The following EVI5L variants were observed in gnomAD, a reference collection of about 807,000 sequenced individuals.
EVI5L encodes EVI5-like protein.
Under a neutral mutation model 106.1 loss-of-function variants are expected in EVI5L, and 30 were observed. That is an observed-to-expected ratio of 0.28 (90% CI 0.21 to 0.38). The LOEUF (loss-of-function observed/expected upper bound fraction) is 0.38, where lower values mean the gene tolerates loss of function less well. Ranked by LOEUF, EVI5L falls within the 10% of genes least tolerant of loss-of-function variation. The probability of loss-of-function intolerance (pLI) is 1.00; values close to 1 mark genes in which losing one functional copy is unlikely to be tolerated. For synonymous variants in EVI5L, 489 were observed against 483.3 expected, an observed-to-expected ratio of 1.01 and a Z score of -0.15; for missense variants, 809 against 1,098.0, an observed-to-expected ratio of 0.74 and a Z score of 3.72.
intron 1 of EVI5L, 113 bp from the exon 2 acceptor site, chr19:7,846,383 A>G (rs1978948153): frequency 2.1e-6 from 2 of 965,456 alleles, no homozygotes; most frequent in African/African-American, 3.3e-5. Flanking sequence ...GGGTGCACGG[A>G]CGGGGGTGGA....
In EVI5L at chr19:7,850,577, G is replaced by C. The variant is rs1028059929; in HGVS notation, c.753+455G>C. On this transcript the variant is annotated intron_variant, in intron 6 of 19. Coordinates refer to ENST00000538904, the MANE Select transcript of EVI5L (RefSeq NM_001159944.3). The surrounding 1 kb of genome is among the most constrained non-coding windows in gnomAD (Gnocchi z 5.4). The stretch of plus-strand genomic sequence containing the variant: ...AGGCAGAGCCGCCAAGGCCGTTTGC[G>C]AACATACACACACCCGCATGCATAC... Among the ~76,000 whole-genome samples the C allele has an allele frequency of 6.6e-6, 1 of 152,140 alleles. No homozygotes were observed. The highest frequency in any genetic ancestry group is 2.4e-5 in the African/African-American group (1 of 41,426).
intron 1 of EVI5L, among the ~76,000 whole-genome samples, chr19:7,838,788 GA>G (rs1406468912): frequency 6.6e-6 from 1 of 151,988 alleles, no homozygotes; most frequent in Non-Finnish European, 1.5e-5. Flanking sequence ...GAGAGAGGGG[GA>G]AAAGCGAGCC....
chr19:7,853,127 G>C lies in EVI5L; in HGVS notation c.1029G>C (p.Pro343=), dbSNP rs375217848. The C allele has an allele frequency of 2.5e-6, 4 of 1,613,916 alleles. No individual in the cohort carries two copies. Among genetic ancestry groups the C allele is most frequent in the Non-Finnish European group, 3.4e-6 (4 of 1,180,038 alleles). ...RVIPHQFDSC[P]DKLVLKAYQV... ...TCCCCCACCAGTTCGACAGCTGCCC[G>C]GACAAGCTGGTCCTCAAAGCCTACC... Residue 343 remains proline, a synonymous_variant, in exon 9 of 20, where the codon CCG becomes CCC. Transcript: ENST00000538904.
In EVI5L at chr19:7,855,272, C is replaced by T. The variant is rs904766527; in HGVS notation, c.1147-743C>T. Among the ~76,000 whole-genome samples the T allele has an allele frequency of 5.9e-5, 9 of 152,152 alleles. No individual in the cohort carries two copies. In the East Asian group the frequency reaches 1.5e-3, roughly 26 times the overall value. On this transcript the variant is annotated intron_variant, in intron 10 of 19. Coordinates refer to ENST00000538904, the MANE Select transcript of EVI5L (RefSeq NM_001159944.3). ...CTGGGATTACAGGCATGCACCACCA[C>T]GCCTGGCTAATCTTTGTGTTTTTAG...
Position 7,847,828 on chromosome 19 carries a change from C to G in EVI5L, c.234C>G (p.Asn78Lys). Residue 78 changes from asparagine to lysine, a missense_variant, in exon 3 of 20, where the codon AAC becomes AAG. This residue lies in a region of EVI5L where 357 missense variants were observed against 588.1 expected (regional missense o/e 0.61). Coordinates refer to ENST00000538904, the MANE Select transcript of EVI5L (RefSeq NM_001159944.3). ...SLVSSSSASSNLSHLEEDTWI... is the reference protein window; with the variant it reads ...SLVSSSSASSKLSHLEEDTWI... ...TGTCCAGCTCCTCGGCCTCCTCCAA[C>G]CTGAGCCACCTGGAGGAGGACACGT... 6.2e-7 allele frequency: 1 copy of G among 1,611,128 alleles called. No homozygotes were observed. The highest frequency in any genetic ancestry group is 8.5e-7 in the Non-Finnish European group (1 of 1,178,842).
intron 13 of EVI5L, among the ~76,000 whole-genome samples, chr19:7,859,732 TG>T (rs1166306288): frequency 6.6e-6 from 1 of 152,066 alleles, no homozygotes; most frequent in Non-Finnish European, 1.5e-5. Context: ...GCTCCAACCT[TG>T]GGGGGATGCA....
rs772487515 is a variant in EVI5L at position 7,860,606 on chromosome 19, G to C, written c.1420G>C (p.Glu474Gln). 2 of 1,601,788 alleles carry C rather than the reference G, an allele frequency of 1.2e-6. No individual in the cohort carries two copies. Among genetic ancestry groups the C allele is most frequent in the South Asian group, 1.1e-5 (1 of 89,126 alleles). ...TEDFVSHLET[E>Q]LEQSRLRETE... is the part of the protein sequence containing the mutation. Reference sequence around the variant, plus strand: ...AGACTTCGTGTCCCACCTGGAGACCGAGCTGGAGCAGTCGAGGCTGCGGGA... The same window carrying C: ...AGACTTCGTGTCCCACCTGGAGACCCAGCTGGAGCAGTCGAGGCTGCGGGA... Residue 474 changes from glutamate (E) to glutamine (Q), a missense_variant, in exon 14 of 20, where the codon GAG (glutamate) becomes CAG (glutamine). Physicochemically the swap from Glu to Gln is conservative, Grantham distance 29 (BLOSUM62 2). Transcript: ENST00000538904.
At chr19:7,862,660 C>T (rs1380917058) in intron 17 of EVI5L, 126 bp downstream of exon 17, 42 of 782,038 alleles carry the variant, frequency 5.4e-5, no homozygotes, top group Admixed American at 1.4e-4. Flanking sequence ...CCGCGGTCCT[C>T]CCGCCCCCGC....
In EVI5L at chr19:7,856,877, A is replaced by C; in HGVS notation, c.1201-215A>C. On this transcript the variant is annotated intron_variant, in intron 11 of 19. Coordinates refer to ENST00000538904, the MANE Select transcript of EVI5L (RefSeq NM_001159944.3). This position sits in a 1 kb window ranked among gnomAD's most constrained non-coding sequence, Gnocchi z 6.6. ...GGGCACCCCCGACCTCCCCGCTCACACCGAACCCCTCTCCAGGACGGAGCT... is the reference window on the plus strand; with the variant it reads ...GGGCACCCCCGACCTCCCCGCTCACCCCGAACCCCTCTCCAGGACGGAGCT... The C allele has an allele frequency of 1.4e-6, 1 of 702,686 alleles. No homozygotes were observed. The allele number at this position is 702,686 out of a possible 1,614,324, so 43.5% of individuals were successfully genotyped here.
Position 7,862,973 on chromosome 19 carries a change from G to A in EVI5L, c.1949G>A (p.Ser650Asn), listed in dbSNP as rs749056859. ...TTCCCCCCAATCCCCCGACCCCAGA[G>A]CAAGGAGGAGGTGATGGCTGTGCGA... ...RRKQAEAECK[S>N]KEEVMAVRLR... Residue 650 changes from serine to asparagine, a missense_variant and splice_region_variant, in exon 18 of 20, where the codon AGC becomes AAC. Ser to Asn is a conservative substitution (Grantham distance 46). Coordinates refer to ENST00000538904, the MANE Select transcript of EVI5L (RefSeq NM_001159944.3). The A allele has an allele frequency of 1.9e-5, 30 of 1,559,442 alleles. No individual in the cohort carries two copies. The South Asian group carries it at 3.2e-4, about 16-fold the overall frequency.
rs780541980 is a variant in EVI5L at position 7,862,923 on chromosome 19, G to A, written c.1948-49G>A. The A allele has an allele frequency of 1.3e-4, 165 of 1,311,144 alleles. No individual in the cohort carries two copies. The African/African-American group carries it at 2.1e-3, about 17-fold the overall frequency. The allele number at this position is 1,311,144 out of a possible 1,614,324, so 81.2% of individuals were successfully genotyped here. A position where few individuals can be genotyped will look rare whatever the true frequency, so the allele number is the denominator to read the frequency against. On this transcript the variant is annotated intron_variant, in intron 17 of 19. Transcript: ENST00000538904. ...TGCCCGCGGTCCCGCCCCCTGATGC[G>A]CCGCGCCCCCTGACCCGCCCTCCTT...
chr19:7,842,849 ATC>A (rs1978704084), intron 1 of EVI5L, among the ~76,000 whole-genome samples: 1 of 148,344 alleles, frequency 6.7e-6, no homozygotes, highest in African/African-American at 2.5e-5. Context: ...AGGTGTGTGT[ATC>A]TGAGTGTGTC....
intron 1 of EVI5L, among the ~76,000 whole-genome samples, chr19:7,842,756 G>A (rs966627441): frequency 2.2e-5 from 2 of 91,494 alleles, no homozygotes; most frequent in African/African-American, 7.1e-5. Context: ...AAGGTACTGG[G>A]TGTGTGTGTA....
Position 7,857,542 on chromosome 19 carries a change from GCTC to G in EVI5L, c.1233+421_1233+423del, listed in dbSNP as rs1979591364. ...CCCGGCCCTCACGCTGCTGCTCTCTGCTCCTACCTGCAATGCCTGCTACCACCT... is the reference window on the plus strand; with the variant it reads ...CCCGGCCCTCACGCTGCTGCTCTCTGCTACCTGCAATGCCTGCTACCACCT... On this transcript the variant is annotated intron_variant, in intron 12 of 19. Coordinates refer to ENST00000538904, the MANE Select transcript of EVI5L (RefSeq NM_001159944.3). The surrounding 1 kb of genome is among the most constrained non-coding windows in gnomAD (Gnocchi z 4.5). 1 of 264,452 alleles carries G rather than the reference GCTC, an allele frequency of 3.8e-6. No individual in the cohort carries two copies. Among genetic ancestry groups the G allele is most frequent in the Non-Finnish European group, 7.3e-6 (1 of 137,078 alleles). 16.4% of individuals were successfully genotyped at this position (264,452 alleles called of 1,614,324 possible). A position where few individuals can be genotyped will look rare whatever the true frequency, so the allele number is the denominator to read the frequency against.
At position 7,850,242 on chromosome 19, in the gene EVI5L, C is replaced by T; in HGVS notation, c.753+120C>T. 5.0e-6 allele frequency: 7 copies of T among 1,393,608 alleles called. No individual in the cohort carries two copies. The highest frequency in any genetic ancestry group is 6.7e-6 in the Non-Finnish European group (7 of 1,052,426). 86.3% of individuals were successfully genotyped at this position (1,393,608 alleles called of 1,614,324 possible). On this transcript the variant is annotated intron_variant, in intron 6 of 19. Coordinates refer to ENST00000538904, the MANE Select transcript of EVI5L (RefSeq NM_001159944.3). This position sits in a 1 kb window ranked among gnomAD's most constrained non-coding sequence, Gnocchi z 5.4. ...CACCCTAGACCATACCCGGGCACCTCTTGGACTGAAAATTCCAAGCCTGTG... is the reference window on the plus strand; with the variant it reads ...CACCCTAGACCATACCCGGGCACCTTTTGGACTGAAAATTCCAAGCCTGTG...
At chr19:7,862,662 C>T (rs1298481527) in intron 17 of EVI5L, 128 bp downstream of exon 17, 2 of 821,166 alleles carry the variant, frequency 2.4e-6, no homozygotes, top group Non-Finnish European at 3.3e-6. Context: ...GCGGTCCTCC[C>T]GCCCCCGCCC....
chr19:7,852,697 G>A (rs1189575887), intron 8 of EVI5L: 1 of 250,960 alleles, frequency 4.0e-6, no homozygotes, highest in Non-Finnish European at 7.7e-6. Context: ...AACCAGAGGT[G>A]TACATCACCA....
In EVI5L at chr19:7,861,941, A is replaced by C; in HGVS notation, c.1567A>C (p.Lys523Gln). 3 of 1,550,020 alleles carry C rather than the reference A, an allele frequency of 1.9e-6. No homozygotes were observed. Among genetic ancestry groups the C allele is most frequent in the Non-Finnish European group, 1.7e-6 (2 of 1,146,900 alleles). The change falls in exon 15 of 20, where the codon AAG (lysine) becomes CAG (glutamine). Residue 523 changes from lysine (K) to glutamine (Q), a missense_variant. By Grantham distance (53) the Lys-to-Gln change is moderately conservative. Coordinates refer to ENST00000538904, the MANE Select transcript of EVI5L (RefSeq NM_001159944.3). ...GCTGCAGGAGGAGCTGAAGGCGCTC[A>C]AGGTGCGGGAAGGCCAGGCGGTGGC... ...AQLQEELKAL[K>Q]VREGQAVAST...
At chr19:7,838,354 G>A (rs1265542722) in intron 1 of EVI5L, among the ~76,000 whole-genome samples, 2 of 152,032 alleles carry the variant, frequency 1.3e-5, no homozygotes, top group Non-Finnish European at 2.9e-5. Flanking sequence ...CAAGTGATCC[G>A]CCGGCCTTGG....
Sources: allele counts gnomAD v4.1 joint callset (sites outside exome capture counted in the v4.1 genomes callset), GRCh38; gene constraint gnomAD v4.1.1; regional missense constraint gnomAD v4.1.1; non-coding constraint Gnocchi (gnomAD v3.1); transcripts MANE v1.5; gene names NCBI Gene and HGNC (gene_info 2026-07-23, HGNC 2026-07-21).